PTPN12: variants seen among roughly 807,000 people sequenced by gnomAD.
PTPN12 encodes the protein tyrosine-protein phosphatase non-receptor type 12.
A neutral mutation model predicts 97.6 loss-of-function variants in PTPN12; 29 were observed. That is an observed-to-expected ratio of 0.30 (90% confidence interval 0.22 to 0.41). The LOEUF (loss-of-function observed/expected upper bound fraction) is 0.41, where lower values mean the gene tolerates loss of function less well. Among genes scored for constraint, PTPN12 ranks in the 10% least tolerant of loss-of-function variants. The probability of loss-of-function intolerance (pLI) is 1.00; values close to 1 mark genes in which losing one functional copy is unlikely to be tolerated. For synonymous variants in PTPN12, 327 were observed against 300.4 expected (o/e 1.09, Z -0.91); for missense variants, 819 against 926.0 (o/e 0.88, Z 1.50).
chr7:77,555,996 T>C (rs192793474), intron 1 of PTPN12, among the ~76,000 whole-genome samples: 2 of 152,376 alleles, frequency 1.3e-5, no homozygotes, highest in African/African-American at 4.8e-5. Context: ...GCCCATCTAT[T>C]CTGGCATACT....
intron 12 of PTPN12, among the ~76,000 whole-genome samples, chr7:77,621,396 C>T (rs771958146): frequency 2.6e-5 from 4 of 151,762 alleles, no homozygotes; most frequent in East Asian, 1.9e-4. Context: ...AAAGTAAGTA[C>T]GTGGCCAGGC....
At chr7:77,599,618 G>T (rs552455750) in intron 7 of PTPN12, among the ~76,000 whole-genome samples, 8 of 152,084 alleles carry the variant, frequency 5.3e-5, no homozygotes, top group African/African-American at 1.9e-4. Flanking sequence ...TTAATCTACG[G>T]TAATAATAAT....
chr7:77,537,719 C>G (rs1252489493), intron 1 of PTPN12, 74 bp downstream of exon 1: 1 of 1,482,298 alleles, frequency 6.7e-7, no homozygotes, highest in Non-Finnish European at 9.1e-7. Context: ...GGCCGGGCCG[C>G]CAGTGCTTTG....
intron 4 of PTPN12, among the ~76,000 whole-genome samples, chr7:77,584,343 GA>G (rs1248636311): frequency 2.0e-5 from 3 of 152,130 alleles, no homozygotes; most frequent in Non-Finnish European, 4.4e-5. Context: ...TAAAAGGGGG[GA>G]AATTTTCCAG....
At position 77,605,833 on chromosome 7, in the gene PTPN12, C is replaced by T. The variant is rs1375604159; in HGVS notation, c.696-1402C>T. On this transcript the variant is annotated intron_variant, in intron 8 of 17. Coordinates refer to ENST00000248594, the MANE Select transcript of PTPN12 (RefSeq NM_002835.4). ...TTGTCTTGTTCTTTTGTGGAAATCA[C>T]TGCTGTTGCTCAATCCGTTTTCTAG... 2.0e-5 allele frequency among the ~76,000 whole-genome samples: 3 copies of T among 151,876 alleles called. No homozygotes were observed. The East Asian group carries it at 5.8e-4, about 29-fold the overall frequency.
intron 1 of PTPN12, among the ~76,000 whole-genome samples, chr7:77,562,279 T>G (rs922694219): frequency 3.3e-5 from 5 of 152,154 alleles, no homozygotes; most frequent in Admixed American, 1.3e-4. Context: ...GGTCTCAAAC[T>G]CCCAACCTCA....
At chr7:77,583,701 C>T in intron 4 of PTPN12, 51 bp downstream of exon 4, 1 of 1,170,454 alleles carries the variant, frequency 8.5e-7, no homozygotes, top group Non-Finnish European at 1.2e-6. Context: ...TATGTAATAA[C>T]ATAGGCTATT....
chr7:77,561,759 TTTAATTAA>T lies in PTPN12; in HGVS notation c.100-9300_100-9293del, dbSNP rs146164614. ...AATATTCTCAATTTTACTGTATGTT[TTTAATTAA>T]TTAATTAATTAATTAATTTTATTTA... On this transcript the variant is annotated intron_variant, in intron 1 of 17. Transcript: ENST00000248594. Among the ~76,000 whole-genome samples the T allele has an allele frequency of 1.8e-4, 27 of 149,762 alleles. No homozygotes were observed. The South Asian group carries it at 1.9e-3, about 10-fold the overall frequency.
At chr7:77,605,437 T>TTTTTTTTTTTTTA (rs1788336516) in intron 8 of PTPN12, among the ~76,000 whole-genome samples, 1 of 112,004 alleles carries the variant, frequency 8.9e-6, no homozygotes. Flanking sequence ...TTTTTTTTTT[T>TTTTTTTTTTTTTA]GAGACGGAGT....
At chr7:77,546,947 G>C (rs1807250839) in intron 1 of PTPN12, among the ~76,000 whole-genome samples, 1 of 152,228 alleles carries the variant, frequency 6.6e-6, no homozygotes, top group Non-Finnish European at 1.5e-5. Flanking sequence ...AATTCAAGAT[G>C]AGATTTGGTG....
At chr7:77,546,040 T>A (rs780123394) in intron 1 of PTPN12, among the ~76,000 whole-genome samples, 3 of 152,230 alleles carry the variant, frequency 2.0e-5, no homozygotes, top group Non-Finnish European at 4.4e-5. Flanking sequence ...CAAGCAATTC[T>A]GCTGCCTCGG....
Position 77,581,453 on chromosome 7 carries a change from T to C in PTPN12, c.235T>C (p.Leu79=), listed in dbSNP as rs777012945. Residue 79 remains leucine, a synonymous_variant, in exon 3 of 18, where the codon TTA becomes CTA. Transcript: ENST00000248594. ...TGATCACAGCCGAGTTAAATTGACATTAAAGACTCCTTCACAAGATTCAGA... is the reference window on the plus strand; with the variant it reads ...TGATCACAGCCGAGTTAAATTGACACTAAAGACTCCTTCACAAGATTCAGA... ...PFDHSRVKLT[L]KTPSQDSDYI... The C allele has an allele frequency of 1.9e-6, 3 of 1,608,764 alleles. No homozygotes were observed. Among genetic ancestry groups the C allele is most frequent in the Admixed American group, 3.4e-5 (2 of 59,402 alleles).
intron 8 of PTPN12, among the ~76,000 whole-genome samples, chr7:77,605,410 T>TTTTTTTG (rs1788331609): frequency 8.6e-5 from 2 of 23,236 alleles, no homozygotes; most frequent in African/African-American, 5.5e-4. Flanking sequence ...TTGTCATGAG[T>TTTTTTTG]TTTTTTTTTT....
At chr7:77,632,038 A>G (rs773329909) in intron 13 of PTPN12, among the ~76,000 whole-genome samples, 2 of 152,236 alleles carry the variant, frequency 1.3e-5, no homozygotes, top group Non-Finnish European at 2.9e-5. Flanking sequence ...AAACATCATC[A>G]GTAAGCTCAG....
intron 2 of PTPN12, among the ~76,000 whole-genome samples, chr7:77,579,848 T>C (rs1787456898): frequency 6.6e-6 from 1 of 152,206 alleles, no homozygotes; most frequent in South Asian, 2.1e-4. Flanking sequence ...GATTAAAACA[T>C]ACAATCCTTT....
At chr7:77,602,493 G>A (rs1788222590) in intron 8 of PTPN12, among the ~76,000 whole-genome samples, 2 of 152,006 alleles carry the variant, frequency 1.3e-5, no homozygotes, top group Admixed American at 6.6e-5. Flanking sequence ...TCATGACCGG[G>A]TATAGTGGCT....
chr7:77,596,572 A>G (rs1356292926), intron 6 of PTPN12, among the ~76,000 whole-genome samples: 1 of 152,096 alleles, frequency 6.6e-6, no homozygotes, highest in Non-Finnish European at 1.5e-5. Context: ...CTCAATGTCC[A>G]GCTAGTTTTT....
At chr7:77,617,707 A>G (rs192894875) in intron 11 of PTPN12, among the ~76,000 whole-genome samples, 1 of 152,330 alleles carries the variant, frequency 6.6e-6, no homozygotes, top group Admixed American at 6.5e-5. Flanking sequence ...AAAATACCCT[A>G]GCTAGATAAA....
At chr7:77,549,362 A>G (rs940589595) in intron 1 of PTPN12, among the ~76,000 whole-genome samples, 20 of 152,182 alleles carry the variant, frequency 1.3e-4, no homozygotes, top group African/African-American at 4.8e-4. Flanking sequence ...GTGACTTGAG[A>G]GAACAATTTG....
Sources: gnomAD v4.1 joint callset for allele counts (sites outside exome capture counted in the v4.1 genomes callset) on GRCh38, gnomAD v4.1.1 for gene constraint, MANE v1.5 for transcripts, NCBI Gene and HGNC (gene_info 2026-07-23, HGNC 2026-07-21) for gene names.